Variants in SLC25A21 observed in about 807,000 individuals in gnomAD.
SLC25A21 encodes the protein solute carrier family 25 member 21, also known as mitochondrial 2-oxodicarboxylate carrier.
A neutral mutation model predicts 43.8 loss-of-function variants in SLC25A21; 47 were observed. That is an observed-to-expected ratio of 1.07 (90% CI 0.85 to 1.37). SLC25A21 has a LOEUF of 1.37. Among genes scored for constraint, SLC25A21 ranks in the 40% most tolerant of loss-of-function variants. The pLI, the probability that SLC25A21 is intolerant of heterozygous loss-of-function variation, is 0.00. For synonymous variants in SLC25A21, 131 were observed against 121.3 expected (o/e 1.08, Z -0.52); for missense variants, 352 against 350.2 (o/e 1.00, Z -0.04).
At chr14:36,982,921 T>G (rs1236042647) in intron 1 of SLC25A21, among the ~76,000 whole-genome samples, 2 of 152,196 alleles carry the variant, frequency 1.3e-5, no homozygotes, top group Non-Finnish European at 2.9e-5. Context: ...CACACTTGTT[T>G]GTCCTACTTT....
At chr14:36,747,947 G>A (rs559038072) in intron 3 of SLC25A21, among the ~76,000 whole-genome samples, 123 of 152,306 alleles carry the variant, frequency 8.1e-4, no homozygotes, top group African/African-American at 2.9e-3. Flanking sequence ...CAGGAATTGA[G>A]ACTATTGAGG....
intron 1 of SLC25A21, among the ~76,000 whole-genome samples, chr14:36,982,886 CTCT>C (rs768050194): frequency 2.6e-5 from 4 of 152,106 alleles, no homozygotes; most frequent in South Asian, 2.1e-4. Context: ...AATAATATCC[CTCT>C]TCAAGTGTGT....
intron 1 of SLC25A21, chr14:37,096,986 G>A (rs1421340382): frequency 1.3e-5 from 2 of 149,388 alleles, no homozygotes; most frequent in Non-Finnish European, 3.0e-5. Flanking sequence ...TTTGCAGTCT[G>A]CCCTTGTTTG....
intron 1 of SLC25A21, among the ~76,000 whole-genome samples, chr14:36,973,729 G>C (rs1566783398): frequency 6.6e-6 from 1 of 152,216 alleles, no homozygotes; most frequent in Non-Finnish European, 1.5e-5. Context: ...AGTCAATCCA[G>C]TTAGGTTGTA....
intron 1 of SLC25A21, among the ~76,000 whole-genome samples, chr14:36,950,456 T>C (rs533491429): frequency 2.0e-5 from 3 of 152,250 alleles, no homozygotes; most frequent in Non-Finnish European, 2.9e-5. Context: ...CATGAGAACA[T>C]AGCAAGAAAG....
At chr14:37,045,683 G>C (rs532236037) in intron 1 of SLC25A21, among the ~76,000 whole-genome samples, 1 of 152,308 alleles carries the variant, frequency 6.6e-6, no homozygotes, top group East Asian at 1.9e-4. Flanking sequence ...GAACAGCCAG[G>C]CCATTGTTCA....
At chr14:37,139,218 T>C (rs1376924416) in intron 1 of SLC25A21, among the ~76,000 whole-genome samples, 1 of 152,110 alleles carries the variant, frequency 6.6e-6, no homozygotes, top group African/African-American at 2.4e-5. Context: ...GTCTCCAATA[T>C]ATCACTGGGG....
At chr14:37,082,003 T>TA (rs1216594894) in intron 1 of SLC25A21, among the ~76,000 whole-genome samples, 2 of 151,880 alleles carry the variant, frequency 1.3e-5, no homozygotes, top group Admixed American at 6.6e-5. Flanking sequence ...AAGATAGTGG[T>TA]AAAAAAAGAA....
At chr14:37,145,686 T>G (rs1429249121) in intron 1 of SLC25A21, among the ~76,000 whole-genome samples, 1 of 152,066 alleles carries the variant, frequency 6.6e-6, no homozygotes, top group African/African-American at 2.4e-5. Context: ...ACAATGACAT[T>G]TGAGCTTGAG....
intron 1 of SLC25A21, among the ~76,000 whole-genome samples, chr14:37,008,235 A>G (rs17178157): frequency 0.024 from 3,663 of 152,252 alleles, 73 homozygotes; most frequent in East Asian, 0.091. Flanking sequence ...CTATCCAACT[A>G]ATTTTCCAGG....
intron 1 of SLC25A21, among the ~76,000 whole-genome samples, chr14:36,982,587 G>A (rs1039944790): frequency 7.9e-5 from 12 of 152,096 alleles, no homozygotes; most frequent in Non-Finnish European, 1.3e-4. Flanking sequence ...GGCCAAGGCA[G>A]ATGGATTGCT....
intron 1 of SLC25A21, among the ~76,000 whole-genome samples, chr14:36,989,268 A>G (rs1394353161): frequency 6.6e-6 from 1 of 152,138 alleles, no homozygotes; most frequent in Non-Finnish European, 1.5e-5. Context: ...GTGTGCAATG[A>G]TCCAGGTGTA....
At chr14:37,141,290 C>T (rs1963566349) in intron 1 of SLC25A21, among the ~76,000 whole-genome samples, 1 of 152,000 alleles carries the variant, frequency 6.6e-6, no homozygotes, top group Non-Finnish European at 1.5e-5. Flanking sequence ...AAGCTGAATA[C>T]CATAATGACT....
At chr14:36,837,386 C>T (rs543095002) in intron 2 of SLC25A21, among the ~76,000 whole-genome samples, 8 of 152,032 alleles carry the variant, frequency 5.3e-5, no homozygotes, top group African/African-American at 1.2e-4. Flanking sequence ...GGCACACACA[C>T]GAGAGGGGAC....
At chr14:36,796,207 A>G (rs984178712) in intron 3 of SLC25A21, among the ~76,000 whole-genome samples, 2 of 152,190 alleles carry the variant, frequency 1.3e-5, no homozygotes, top group African/African-American at 4.8e-5. Flanking sequence ...CAATCTCTGC[A>G]TGTCAAAGCA....
At chr14:36,907,308 G>A (rs963435422) in intron 1 of SLC25A21, among the ~76,000 whole-genome samples, 1 of 152,116 alleles carries the variant, frequency 6.6e-6, no homozygotes, top group African/African-American at 2.4e-5. Flanking sequence ...CTGAGAAGAG[G>A]CTATGAAGTA....
chr14:36,949,548 T>G (rs540124652), intron 1 of SLC25A21, among the ~76,000 whole-genome samples: 1 of 152,206 alleles, frequency 6.6e-6, no homozygotes, highest in Non-Finnish European at 1.5e-5. Context: ...CCCTGCCTCC[T>G]CTGCACTTCC....
chr14:36,802,682 T>A (rs1887908061), intron 3 of SLC25A21, among the ~76,000 whole-genome samples: 1 of 152,128 alleles, frequency 6.6e-6, no homozygotes, highest in Non-Finnish European at 1.5e-5. Context: ...CCCCTTTGGA[T>A]GATGAGGGAA....
chr14:37,017,648 G>C (rs150185575), intron 1 of SLC25A21, among the ~76,000 whole-genome samples: 1 of 152,034 alleles, frequency 6.6e-6, no homozygotes, highest in Non-Finnish European at 1.5e-5. Context: ...CAGTATCTGC[G>C]AAGTGCAATA....
Sources: allele counts gnomAD v4.1 joint callset (sites outside exome capture counted in the v4.1 genomes callset), GRCh38; gene constraint gnomAD v4.1.1; transcripts MANE v1.5; gene names NCBI Gene and HGNC (gene_info 2026-07-23, HGNC 2026-07-21).